The following IKZF3 variants were observed in gnomAD, a reference collection of about 807,000 sequenced individuals.
IKZF3 encodes the protein IKAROS family zinc finger 3, also known as zinc finger protein Aiolos.
In IKZF3, 10 loss-of-function variants were observed where a neutral mutation model predicts 49.0. That is an observed-to-expected ratio of 0.20 (90% confidence interval 0.13 to 0.35). The LOEUF is 0.35. IKZF3 is among the 10% of genes least tolerant of loss of function. The pLI is 1.00. For synonymous variants in IKZF3, 209 were observed against 228.2 expected (o/e 0.92, Z 0.76); for missense variants, 498 against 664.8 (o/e 0.75, Z 2.76).
At chr17:39,830,124 T>C (rs1383089621) in intron 2 of IKZF3, among the ~76,000 whole-genome samples, 1 of 152,206 alleles carries the variant, frequency 6.6e-6, no homozygotes, top group Non-Finnish European at 1.5e-5. Context: ...GCCATTGCTA[T>C]TTATGACAAA....
rs376051770 is a variant in IKZF3, at chr17:39,829,994, TA to T, written c.62-507del. Among the ~76,000 whole-genome samples, 274 of 152,294 alleles carry T rather than the reference TA, an allele frequency of 1.8e-3. 1 individual carries two copies. Among genetic ancestry groups the T allele is most frequent in the African/African-American group, 6.3e-3 (261 of 41,574 alleles). On this transcript the variant is annotated intron_variant, in intron 2 of 7. Coordinates refer to ENST00000346872, the MANE Select transcript of IKZF3 (RefSeq NM_012481.5). ...AAAAGAAATATGCCCAGGGTTCATGTACCCTCTGAATACACACAACTTTCTT... is the reference window on the plus strand; with the variant it reads ...AAAAGAAATATGCCCAGGGTTCATGTCCCTCTGAATACACACAACTTTCTT...
At chr17:39,815,076 G>A (rs1246180866) in intron 3 of IKZF3, among the ~76,000 whole-genome samples, 1 of 152,084 alleles carries the variant, frequency 6.6e-6, no homozygotes, top group Admixed American at 6.6e-5. Flanking sequence ...TAAATACAGG[G>A]GGTCAGTAGC....
In IKZF3 at chr17:39,762,874, G is replaced by A. The variant is rs1567946814; in HGVS notation, c.*2916C>T. ...TGCACTCCAGCCTGGGCAACAGAGC[G>A]AGAGACTGTCTCAAAACAAAAGAAA... On this transcript the variant is annotated 3_prime_UTR_variant, in exon 8 of 8. Transcript: ENST00000346872. The A allele has an allele frequency of 1.3e-5, 2 of 152,272 alleles. No individual in the cohort carries two copies. The highest frequency in any genetic ancestry group is 1.5e-5 in the Non-Finnish European group (1 of 68,116). 9.4% of individuals were successfully genotyped at this position (152,272 alleles called of 1,614,324 possible). A position where few individuals can be genotyped will look rare whatever the true frequency, so the allele number is the denominator to read the frequency against.
In IKZF3 at chr17:39,763,313, G is replaced by A. The variant is rs1249089115; in HGVS notation, c.*2477C>T. 6.6e-6 allele frequency: 1 copy of A among 152,122 alleles called. No individual in the cohort carries two copies. The highest frequency in any genetic ancestry group is 1.5e-5 in the Non-Finnish European group (1 of 68,016). The allele number at this position is 152,122 out of a possible 1,614,324, so 9.4% of individuals were successfully genotyped here. On this transcript the variant is annotated 3_prime_UTR_variant, in exon 8 of 8. Transcript: ENST00000346872. Reference sequence around the variant, plus strand: ...TTTTAATTACTGGCAGCACATAGACGAGTTGAGTTGGAGCCGAATGCATAA... The same window carrying A: ...TTTTAATTACTGGCAGCACATAGACAAGTTGAGTTGGAGCCGAATGCATAA...
intron 7 of IKZF3, among the ~76,000 whole-genome samples, chr17:39,770,515 T>C (rs1035398049): frequency 6.6e-6 from 1 of 152,042 alleles, no homozygotes; most frequent in Admixed American, 6.6e-5. Context: ...TGAGGACATA[T>C]GGTTGTTGGC....
intron 3 of IKZF3, among the ~76,000 whole-genome samples, chr17:39,797,245 T>C (rs769260964): frequency 4.6e-5 from 7 of 151,990 alleles, no homozygotes; most frequent in Non-Finnish European, 7.4e-5. Flanking sequence ...CTCTGTAATA[T>C]GGCTTCCGCC....
At chr17:39,846,462 C>T (rs372314369) in intron 1 of IKZF3, among the ~76,000 whole-genome samples, 15 of 146,158 alleles carry the variant, frequency 1.0e-4, no homozygotes, top group Admixed American at 3.4e-4. Flanking sequence ...ATTTTCTCAC[C>T]GGTTAGTTTT....
chr17:39,853,857 C>T (rs1181880159), intron 1 of IKZF3, among the ~76,000 whole-genome samples: 4 of 149,526 alleles, frequency 2.7e-5, no homozygotes, highest in African/African-American at 7.5e-5. Context: ...AGGAAGAACA[C>T]GGTGGCTCAC....
intron 7 of IKZF3, among the ~76,000 whole-genome samples, chr17:39,772,415 A>G (rs1191310062): frequency 6.6e-6 from 1 of 152,234 alleles, no homozygotes; most frequent in African/African-American, 2.4e-5. Context: ...GCTGCGTCAT[A>G]TAATTTCCCA....
Position 39,836,082 on chromosome 17 carries a change from G to A in IKZF3, c.8-3931C>T, listed in dbSNP as rs1049897615. 1.5e-5 allele frequency: 10 copies of A among 657,960 alleles called. No homozygotes were observed. In the Middle Eastern group the frequency reaches 1.2e-3, roughly 76 times the overall value. 40.8% of individuals were successfully genotyped at this position (657,960 alleles called of 1,614,324 possible). A position where few individuals can be genotyped will look rare whatever the true frequency, so the allele number is the denominator to read the frequency against. On this transcript the variant is annotated intron_variant, in intron 1 of 7. Transcript: ENST00000346872. ...CTTGTTCTGCTGCTTCAGGAACCGCGATGAAGGGGGCAAACTTGTTGAGGG... is the reference window on the plus strand; with the variant it reads ...CTTGTTCTGCTGCTTCAGGAACCGCAATGAAGGGGGCAAACTTGTTGAGGG...
intron 6 of IKZF3, among the ~76,000 whole-genome samples, chr17:39,782,287 G>C (rs758875360): frequency 2.6e-5 from 4 of 152,112 alleles, no homozygotes; most frequent in African/African-American, 9.7e-5. Context: ...GTTTGCGCCT[G>C]TAATCCAGCA....
chr17:39,774,500 A>C (rs1246639205), intron 7 of IKZF3, among the ~76,000 whole-genome samples: 1 of 152,216 alleles, frequency 6.6e-6, no homozygotes, highest in Non-Finnish European at 1.5e-5. Flanking sequence ...ACTTCATCTC[A>C]TACACTGCAC....
At chr17:39,862,107 A>G (rs756769985) in intron 1 of IKZF3, among the ~76,000 whole-genome samples, 47 of 152,238 alleles carry the variant, frequency 3.1e-4, no homozygotes, top group Non-Finnish European at 5.7e-4. Context: ...TTAAGGTCAC[A>G]GATTGTGAGA....
chr17:39,864,053 T>C (rs377348433), intron 1 of IKZF3, 67 bp downstream of exon 1: 79 of 1,597,964 alleles, frequency 4.9e-5, no homozygotes, highest in Admixed American at 1.3e-4. Flanking sequence ...GAAGAAACTC[T>C]TTCTACTGCT....
rs939955379 is a variant in IKZF3, at chr17:39,764,634, G to C, written c.*1156C>G. ...GGATGACTTATACATCTGCAGAACC[G>C]TGATCAGACTTTCAGGAATTTTCAT... On this transcript the variant is annotated 3_prime_UTR_variant, in exon 8 of 8. Coordinates refer to ENST00000346872, the MANE Select transcript of IKZF3 (RefSeq NM_012481.5). 1 of 152,024 alleles carries C rather than the reference G, an allele frequency of 6.6e-6. No individual in the cohort carries two copies. Among genetic ancestry groups the C allele is most frequent in the Non-Finnish European group, 1.5e-5 (1 of 68,010 alleles). The allele number at this position is 152,024 out of a possible 1,614,324, so 9.4% of individuals were successfully genotyped here.
intron 3 of IKZF3, among the ~76,000 whole-genome samples, chr17:39,817,799 T>C (rs993289143): frequency 2.0e-5 from 3 of 152,202 alleles, no homozygotes; most frequent in Non-Finnish European, 4.4e-5. Context: ...TCCAAACATA[T>C]ATGACCCAGA....
At chr17:39,840,038 C>T (rs1024542026) in intron 1 of IKZF3, among the ~76,000 whole-genome samples, 9 of 152,186 alleles carry the variant, frequency 5.9e-5, no homozygotes, top group Non-Finnish European at 1.3e-4. Context: ...TTGTGGGCAG[C>T]AGCTGGGGTG....
intron 1 of IKZF3, among the ~76,000 whole-genome samples, chr17:39,844,786 C>T (rs1250097181): frequency 6.6e-6 from 1 of 152,130 alleles, no homozygotes; most frequent in Non-Finnish European, 1.5e-5. Context: ...CCATGCTCAA[C>T]TAATTTTGTA....
In IKZF3 at chr17:39,788,287, A is replaced by G. The variant is rs1260689095; in HGVS notation, c.680T>C (p.Phe227Ser). ...GTCCCCTGGGTCAGTGCTCTGAAGA[A>G]ATGTACGGCAGCGCTCCTTGTGCTC... ...LEEHKERCRT[F>S]LQSTDPGDTA... Residue 227 changes from phenylalanine (F) to serine (S), a missense_variant, in exon 6 of 8, where the codon TTT becomes TCT. Physicochemically the swap from Phe to Ser is radical, Grantham distance 155. This residue lies in a region of IKZF3 where 317 missense variants were observed against 397.3 expected (regional missense o/e 0.80). Transcript: ENST00000346872. 6.2e-7 allele frequency: 1 copy of G among 1,613,596 alleles called. No homozygotes were observed.
Sources: allele counts gnomAD v4.1 joint callset (sites outside exome capture counted in the v4.1 genomes callset), GRCh38; gene constraint gnomAD v4.1.1; regional missense constraint gnomAD v4.1.1; transcripts MANE v1.5; gene names NCBI Gene and HGNC (gene_info 2026-07-23, HGNC 2026-07-21).